The following UBR1 variants were observed in gnomAD, a reference collection of about 807,000 sequenced individuals.
The protein encoded by UBR1 is ubiquitin protein ligase E3 component n-recognin 1, also known as E3 ubiquitin-protein ligase UBR1.
Under a neutral mutation model 242.1 loss-of-function variants are expected in UBR1, and 102 were observed. That is an observed-to-expected ratio of 0.42 (90% confidence interval 0.36 to 0.50). The LOEUF (loss-of-function observed/expected upper bound fraction) is 0.50. UBR1 is among the 20% of genes least tolerant of loss of function. UBR1 has a pLI of 0.01. For missense variants in UBR1, 1,772 were observed against 2,101.8 expected, an observed-to-expected ratio of 0.84 and a Z score of 3.07; for synonymous variants, 675 against 684.8, an observed-to-expected ratio of 0.99 and a Z score of 0.22.
At chr15:43,006,100 A>G (rs1335889418) in intron 30 of UBR1, among the ~76,000 whole-genome samples, 2 of 146,424 alleles carry the variant, frequency 1.4e-5, no homozygotes, top group African/African-American at 5.2e-5. Context: ...CTAAAAAAAA[A>G]AAAAAGAAAA....
rs762015383 is a variant in UBR1 at position 42,945,464 on chromosome 15, G to A, written c.5115C>T (p.Gly1705=). 4.3e-5 allele frequency: 70 copies of A among 1,613,880 alleles called. No homozygotes were observed. The highest frequency in any genetic ancestry group is 1.9e-5 in the Non-Finnish European group (23 of 1,180,004). Residue 1705 remains glycine (G), a synonymous_variant, in exon 47 of 47, where the codon GGC becomes GGT. Transcript: ENST00000290650. ...GCTCACGAGATAAATGAAGGGGGTT[G>A]CCCCTCCTTTAGGGAAAAAAGAAAA... ...YGETDPGLKR[G]NPLHLSRERY...
chr15:42,997,156 G>A (rs572233591), intron 33 of UBR1, among the ~76,000 whole-genome samples: 136 of 152,262 alleles, frequency 8.9e-4, no homozygotes, highest in African/African-American at 3.2e-3. Flanking sequence ...AGCCACATTA[G>A]ATTCTCATAG....
chr15:43,074,958 T>C (rs1459454758), intron 4 of UBR1, 21 bp downstream of exon 4: 1 of 1,569,310 alleles, frequency 6.4e-7, no homozygotes, highest in Non-Finnish European at 8.8e-7. Context: ...TTAACAATTT[T>C]TAACAAAATA....
Position 43,086,191 on chromosome 15 carries a change from G to A in UBR1, c.131C>T (p.Ala44Val). ...DFYTAFLHHLAQLVPEIYFAE... is the reference protein window; with the variant it reads ...DFYTAFLHHLVQLVPEIYFAE... ...AAAGTAAATTTCTGGCACCAATTGT[G>A]CCAAATGATGCAAGAAAGCAGTATA... is the stretch of plus-strand genomic sequence containing the variant. Residue 44 changes from alanine (A) to valine (V), a missense_variant, in exon 2 of 47, where the codon GCA (alanine) becomes GTA (valine). Ala to Val is a moderately conservative substitution (Grantham distance 64). Transcript: ENST00000290650. 4 of 1,613,942 alleles carry A rather than the reference G, an allele frequency of 2.5e-6. No homozygotes were observed. Among genetic ancestry groups the A allele is most frequent in the Non-Finnish European group, 3.4e-6 (4 of 1,179,982 alleles).
chr15:43,032,799 T>G (rs1411651670), intron 19 of UBR1, among the ~76,000 whole-genome samples, 168 bp from the exon 20 acceptor site: 3 of 152,224 alleles, frequency 2.0e-5, no homozygotes, highest in Non-Finnish European at 4.4e-5. Context: ...TTCCCTTTTT[T>G]GACATCAAAT....
At chr15:43,097,936 A>G (rs2034180515) in intron 1 of UBR1, among the ~76,000 whole-genome samples, 1 of 152,190 alleles carries the variant, frequency 6.6e-6, no homozygotes, top group Admixed American at 6.5e-5. Context: ...TTTCCTCTGC[A>G]TTCACAACTT....
At chr15:43,010,818 CAAAAAAAAA>C (rs768275252) in intron 29 of UBR1, among the ~76,000 whole-genome samples, 133 of 56,980 alleles carry the variant, frequency 2.3e-3, no homozygotes, top group Admixed American at 8.8e-3. Flanking sequence ...ACTAAAAATA[CAAAAAAAAA>C]AAAAAAAAAA....
At chr15:42,963,851 G>A (rs2032061471) in intron 42 of UBR1, 84 bp downstream of exon 42, 1 of 1,080,396 alleles carries the variant, frequency 9.3e-7, no homozygotes, top group Non-Finnish European at 1.4e-6. Flanking sequence ...AGTGCTGATT[G>A]AACTAAAAGC....
chr15:42,988,625 T>C (rs1381404237), intron 35 of UBR1, 194 bp downstream of exon 35: 17 of 719,272 alleles, frequency 2.4e-5, no homozygotes, highest in Admixed American at 5.0e-5. Flanking sequence ...ATGGCCACAA[T>C]CATAGTTAAA....
chr15:42,948,524 C>T (rs1296468044), intron 46 of UBR1, among the ~76,000 whole-genome samples: 1 of 152,036 alleles, frequency 6.6e-6, no homozygotes, highest in Non-Finnish European at 1.5e-5. Context: ...ATTTTCGCAA[C>T]CTACTCATCT....
chr15:43,059,163 A>T lies in UBR1; in HGVS notation c.1015T>A (p.Cys339Ser). Reference protein sequence around the residue: ...SDFRQIFCQACLREEPDSENP... With the variant: ...SDFRQIFCQASLREEPDSENP... ...TCCGAGTCAGGTTCTTCTCTAAGGC[A>T]TGCTTGGCAAAAGATCTGCCTAAAG... The change falls in exon 9 of 47, where the codon TGC (cysteine) becomes AGC (serine). Residue 339 changes from cysteine to serine, a missense_variant. By Grantham distance (112) the Cys-to-Ser change is moderately radical. Coordinates refer to ENST00000290650, the MANE Select transcript of UBR1 (RefSeq NM_174916.3). 6.2e-7 allele frequency: 1 copy of T among 1,614,156 alleles called. No homozygotes were observed. Among genetic ancestry groups the T allele is most frequent in the Non-Finnish European group, 8.5e-7 (1 of 1,180,036 alleles).
At position 43,029,976 on chromosome 15, in the gene UBR1, G is replaced by A; in HGVS notation, c.2347C>T (p.His783Tyr). 2 of 1,614,048 alleles carry A rather than the reference G, an allele frequency of 1.2e-6. No homozygotes were observed. Among genetic ancestry groups the A allele is most frequent in the Non-Finnish European group, 1.7e-6 (2 of 1,179,986 alleles). ...IHLLCIEPMP[H>Y]SAIAKNLPEN... is the part of the protein sequence containing the mutation. The stretch of plus-strand genomic sequence containing the variant: ...GGTAAATTTTTGGCAATGGCACTGT[G>A]TGGCATGGGTTCAATGCAAAGCAAG... Residue 783 changes from histidine (H) to tyrosine (Y), a missense_variant, in exon 21 of 47, where the codon CAC becomes TAC. Transcript: ENST00000290650.
intron 29 of UBR1, among the ~76,000 whole-genome samples, chr15:43,014,097 T>C (rs963659265): frequency 3.9e-5 from 6 of 152,268 alleles, no homozygotes; most frequent in African/African-American, 1.4e-4. Flanking sequence ...TTGGCCGGGC[T>C]GGTCTCCAGC....
chr15:42,997,429 C>T (rs2032657106), intron 33 of UBR1, among the ~76,000 whole-genome samples: 1 of 152,076 alleles, frequency 6.6e-6, no homozygotes, highest in East Asian at 1.9e-4. Context: ...AAAACCATCC[C>T]CCTCATCCGA....
In UBR1 at chr15:42,976,738, T is replaced by C. The variant is rs1404029287; in HGVS notation, c.4348A>G (p.Ile1450Val). ...TTACCTGTGTCTACTGTAAGTAGTA[T>C]CTGAAGCATGTGTGCCATGGTGATC... ...HLITMAHMLQILLTVDTGLPL... is the reference protein window; with the variant it reads ...HLITMAHMLQVLLTVDTGLPL... Residue 1450 changes from isoleucine (I) to valine (V), a missense_variant, in exon 39 of 47, where the codon ATA becomes GTA. By Grantham distance (29) the Ile-to-Val change is conservative. Around this residue, in one of 3 missense-constraint regions of UBR1, gnomAD observed 965 missense variants for 1,079.7 expected, o/e 0.89. Transcript: ENST00000290650. 7 of 1,614,052 alleles carry C rather than the reference T, an allele frequency of 4.3e-6. No individual in the cohort carries two copies. The highest frequency in any genetic ancestry group is 1.1e-5 in the South Asian group (1 of 91,078).
Position 43,060,267 on chromosome 15 carries a change from A to G in UBR1, c.799-153T>C, listed in dbSNP as rs570084416. Among the ~76,000 whole-genome samples the G allele has an allele frequency of 2.6e-5, 4 of 152,322 alleles. No individual in the cohort carries two copies. The East Asian group carries it at 5.8e-4, about 22-fold the overall frequency. ...TACCGGAACAATATCTGAAAGACAGATGCAAATGTTTAACACCTTTATGAA... is the reference window on the plus strand; with the variant it reads ...TACCGGAACAATATCTGAAAGACAGGTGCAAATGTTTAACACCTTTATGAA... On this transcript the variant is annotated intron_variant, in intron 6 of 46. Transcript: ENST00000290650.
At chr15:43,058,954 A>G (rs1313206078) in intron 9 of UBR1, 131 bp downstream of exon 9, 4 of 781,572 alleles carry the variant, frequency 5.1e-6, no homozygotes, top group Non-Finnish European at 8.7e-6. Flanking sequence ...TTATATTCAC[A>G]TGTAGTATCT....
chr15:42,997,847 G>C (rs1201100916), intron 33 of UBR1, among the ~76,000 whole-genome samples: 1 of 152,120 alleles, frequency 6.6e-6, no homozygotes, highest in African/African-American at 2.4e-5. Flanking sequence ...ACTTGCCCAA[G>C]ATCACATAAT....
At chr15:43,033,240 T>C (rs2141313635) in intron 19 of UBR1, among the ~76,000 whole-genome samples, 2 of 152,234 alleles carry the variant, frequency 1.3e-5, no homozygotes, top group East Asian at 3.9e-4. Context: ...AGGCCAGGTA[T>C]GGTGGCTCAC....
Sources: allele counts gnomAD v4.1 joint callset (sites outside exome capture counted in the v4.1 genomes callset), GRCh38; gene constraint gnomAD v4.1.1; regional missense constraint gnomAD v4.1.1; transcripts MANE v1.5; gene names NCBI Gene and HGNC (gene_info 2026-07-23, HGNC 2026-07-21).